The following PTPRT variants were observed in gnomAD, a reference collection of about 807,000 sequenced individuals.
The protein encoded by PTPRT is receptor-type tyrosine-protein phosphatase T.
In PTPRT, 56 loss-of-function variants were observed where a neutral mutation model predicts 176.8. The ratio of observed to expected loss-of-function variants is 0.32; its 90% CI spans 0.26 to 0.40. The LOEUF is 0.40. Among genes scored for constraint, PTPRT ranks in the 10% least tolerant of loss-of-function variants. The probability of loss-of-function intolerance (pLI) is 1.00; values close to 1 mark genes in which losing one functional copy is unlikely to be tolerated. For synonymous variants in PTPRT, 783 were observed against 739.0 expected, an observed-to-expected ratio of 1.06 and a Z score of -0.96; for missense variants, 1,540 against 1,908.2, an observed-to-expected ratio of 0.81 and a Z score of 3.60.
rs148630005 is a variant in PTPRT, at chr20:42,725,617, C to T, written c.859+30845G>A. ...AGGGACTTTTATTACTTTCCTATTG[C>T]TGCAGTAGCAAAGTTCCACAAACTT... On this transcript the variant is annotated intron_variant, in intron 6 of 30. Coordinates refer to ENST00000373187, the MANE Select transcript of PTPRT (RefSeq NM_007050.6). 4.1e-3 allele frequency among the ~76,000 whole-genome samples: 620 copies of T among 152,164 alleles called. 8 individuals are homozygous for T. Among genetic ancestry groups the T allele is most frequent in the African/African-American group, 0.014 (597 of 41,550 alleles).
chr20:42,704,169 A>G (rs1305831984), intron 6 of PTPRT, among the ~76,000 whole-genome samples: 1 of 152,138 alleles, frequency 6.6e-6, no homozygotes, highest in Non-Finnish European at 1.5e-5. Context: ...CTCTACTATT[A>G]TCCCCTTCTA....
chr20:42,128,186 C>A (rs1352783970), intron 19 of PTPRT, among the ~76,000 whole-genome samples: 1 of 152,166 alleles, frequency 6.6e-6, no homozygotes, highest in East Asian at 1.9e-4. Context: ...GATTTTAAAT[C>A]ATATCTGTGC....
intron 15 of PTPRT, among the ~76,000 whole-genome samples, chr20:42,235,479 T>G (rs2056223453): frequency 6.6e-6 from 1 of 152,130 alleles, no homozygotes; most frequent in African/African-American, 2.4e-5. Flanking sequence ...CAGGCTGGTC[T>G]TGAACTCCTG....
At position 42,077,724 on chromosome 20, in the gene PTPRT, T is replaced by C. The variant is rs1242701796; in HGVS notation, c.*3155A>G. On this transcript the variant is annotated 3_prime_UTR_variant, in exon 31 of 31. Coordinates refer to ENST00000373187, the MANE Select transcript of PTPRT (RefSeq NM_007050.6). ...CTAAGACCTATTCACTGTCCTGCTT[T>C]AGAGAATGGTTGGGTTGTGGGAAAA... 5 of 209,988 alleles carry C rather than the reference T, an allele frequency of 2.4e-5. No homozygotes were observed. The highest frequency in any genetic ancestry group is 3.9e-5 in the Non-Finnish European group (4 of 103,662). 13.0% of individuals were successfully genotyped at this position (209,988 alleles called of 1,614,324 possible).
chr20:42,419,221 C>T (rs2059094261), intron 9 of PTPRT, among the ~76,000 whole-genome samples: 1 of 152,198 alleles, frequency 6.6e-6, no homozygotes, highest in East Asian at 1.9e-4. Context: ...AGGTCCATCC[C>T]ACCCAATATG....
chr20:42,737,102 G>C (rs1232241413), intron 6 of PTPRT, among the ~76,000 whole-genome samples: 1 of 152,184 alleles, frequency 6.6e-6, no homozygotes, highest in Non-Finnish European at 1.5e-5. Context: ...CCTGGTACCT[G>C]AGAATGTGGC....
At chr20:42,626,055 T>C (rs908340103) in intron 7 of PTPRT, among the ~76,000 whole-genome samples, 1 of 152,020 alleles carries the variant, frequency 6.6e-6, no homozygotes, top group South Asian at 2.1e-4. Flanking sequence ...CTTTTCGATA[T>C]CAGCTAACAG....
At chr20:42,405,738 T>G (rs1405057563) in intron 9 of PTPRT, among the ~76,000 whole-genome samples, 1 of 152,162 alleles carries the variant, frequency 6.6e-6, no homozygotes, top group Non-Finnish European at 1.5e-5. Context: ...AAATGGTATT[T>G]CTAGTTCTAG....
chr20:42,976,500 G>C (rs1982964599), intron 1 of PTPRT, among the ~76,000 whole-genome samples: 1 of 151,998 alleles, frequency 6.6e-6, no homozygotes, highest in Admixed American at 6.6e-5. Context: ...CCGCCTCCTG[G>C]GTTCAAGCAA....
In PTPRT at chr20:42,777,727, T is replaced by C. The variant is rs62205403; in HGVS notation, c.568+2491A>G. Among the ~76,000 whole-genome samples the C allele has an allele frequency of 4.9e-3, 746 of 152,284 alleles. 3 individuals are homozygous for C. Among genetic ancestry groups the C allele is most frequent in the Non-Finnish European group, 7.6e-3 (516 of 68,020 alleles). On this transcript the variant is annotated intron_variant, in intron 4 of 30. Coordinates refer to ENST00000373187, the MANE Select transcript of PTPRT (RefSeq NM_007050.6). ...CTTGCTGAAAGAAAGAATAAAAACC[T>C]GGGCTAGGTATGGACTGAGCACTGG...
At chr20:42,690,659 T>C (rs1442269232) in intron 6 of PTPRT, among the ~76,000 whole-genome samples, 2 of 152,180 alleles carry the variant, frequency 1.3e-5, no homozygotes, top group Non-Finnish European at 2.9e-5. Context: ...CTCCAAACTA[T>C]GCCCAATACA....
chr20:42,761,162 C>T (rs138351263), intron 5 of PTPRT, among the ~76,000 whole-genome samples: 12 of 152,092 alleles, frequency 7.9e-5, no homozygotes, highest in African/African-American at 2.7e-4. Flanking sequence ...AGGCCAGGCA[C>T]GGTGGCTGAC....
chr20:42,659,589 C>T (rs745451196), intron 7 of PTPRT, among the ~76,000 whole-genome samples: 1 of 152,166 alleles, frequency 6.6e-6, no homozygotes, highest in Non-Finnish European at 1.5e-5. Context: ...CTTTAGATGT[C>T]TAAGCTGCCA....
At chr20:43,102,520 C>A (rs970599696) in intron 1 of PTPRT, among the ~76,000 whole-genome samples, 4 of 152,142 alleles carry the variant, frequency 2.6e-5, no homozygotes, top group African/African-American at 9.7e-5. Flanking sequence ...ATGACAGCGT[C>A]AGTGAGCCGC....
At chr20:42,887,348 T>C (rs1284996858) in intron 1 of PTPRT, among the ~76,000 whole-genome samples, 1 of 152,046 alleles carries the variant, frequency 6.6e-6, no homozygotes, top group Non-Finnish European at 1.5e-5. Context: ...AAGGAGAAGG[T>C]GCCATCAAAG....
chr20:42,648,828 T>TTTTGTTTTTTTTTTC (rs2074971088), intron 7 of PTPRT, among the ~76,000 whole-genome samples: 1 of 146,684 alleles, frequency 6.8e-6, no homozygotes, highest in African/African-American at 2.6e-5. Context: ...TTGTTTTTTT[T>TTTTGTTTTTTTTTTC]TTTTTTTTTT....
At chr20:42,169,591 C>G (rs894677056) in intron 16 of PTPRT, among the ~76,000 whole-genome samples, 1 of 152,012 alleles carries the variant, frequency 6.6e-6, no homozygotes, top group Non-Finnish European at 1.5e-5. Flanking sequence ...TCTACCTCCT[C>G]TATTTACTGG....
intron 17 of PTPRT, among the ~76,000 whole-genome samples, chr20:42,157,153 C>G (rs541187901): frequency 6.6e-6 from 1 of 152,258 alleles, no homozygotes; most frequent in Admixed American, 6.5e-5. Flanking sequence ...ATCTGGAACT[C>G]TCTTCCTCCA....
At chr20:42,664,137 C>A (rs2146013386) in intron 7 of PTPRT, among the ~76,000 whole-genome samples, 1 of 152,262 alleles carries the variant, frequency 6.6e-6, no homozygotes, top group African/African-American at 2.4e-5. Flanking sequence ...TTTATTTGAT[C>A]ATCTGTAACA....
Sources: gnomAD v4.1 joint callset for allele counts (sites outside exome capture counted in the v4.1 genomes callset) on GRCh38, gnomAD v4.1.1 for gene constraint, MANE v1.5 for transcripts, NCBI Gene and HGNC (gene_info 2026-07-23, HGNC 2026-07-21) for gene names.